Variants in WDR26 observed in about 807,000 individuals in gnomAD.
WDR26 encodes WD repeat domain 26.
A neutral mutation model predicts 84.1 loss-of-function variants in WDR26; 5 were observed. The ratio of observed to expected loss-of-function variants is 0.06; its 90% confidence interval spans 0.03 to 0.13. The LOEUF (loss-of-function observed/expected upper bound fraction) is 0.13, where lower values mean the gene tolerates loss of function less well. Among genes scored for constraint, WDR26 ranks in the 10% least tolerant of loss-of-function variants. The probability of loss-of-function intolerance (pLI) is 1.00; values close to 1 mark genes in which losing one functional copy is unlikely to be tolerated. For synonymous variants in WDR26, 415 were observed against 389.6 expected (o/e 1.07, Z -0.77); for missense variants, 642 against 974.9 (o/e 0.66, Z 4.55).
chr1:224,427,116 A>AAAAAAAAAAAAAAAAT (rs1674253027), intron 3 of WDR26, among the ~76,000 whole-genome samples: 1 of 151,234 alleles, frequency 6.6e-6, no homozygotes, highest in Non-Finnish European at 1.5e-5. Flanking sequence ...AAAAAAAAAA[A>AAAAAAAAAAAAAAAAT]AAAAAAAAAA....
intron 10 of WDR26, 38 bp downstream of exon 10, chr1:224,398,851 C>G (rs1219312796): frequency 6.2e-7 from 1 of 1,607,146 alleles, no homozygotes; most frequent in African/African-American, 1.3e-5. Context: ...GAATATAAAT[C>G]AGGTAATTGT....
Position 224,389,514 on chromosome 1 carries a change from C to G in WDR26, c.*321G>C. The G allele has an allele frequency of 2.0e-6, 1 of 510,482 alleles. No individual in the cohort carries two copies. The highest frequency in any genetic ancestry group is 3.4e-6 in the Non-Finnish European group (1 of 294,434). The allele number at this position is 510,482 out of a possible 1,614,324, so 31.6% of individuals were successfully genotyped here. A position where few individuals can be genotyped will look rare whatever the true frequency, so the allele number is the denominator to read the frequency against. ...ACAGAAGAGCAACAAGAATGGTATC[C>G]TGCCAGACAAAAGACAGGAAGGAAA... On this transcript the variant is annotated 3_prime_UTR_variant, in exon 14 of 14. Coordinates refer to ENST00000414423, the MANE Select transcript of WDR26 (RefSeq NM_001379403.1).
chr1:224,425,867 CT>C (rs563148307), intron 3 of WDR26, among the ~76,000 whole-genome samples: 23 of 149,194 alleles, frequency 1.5e-4, no homozygotes, highest in South Asian at 4.2e-4. Flanking sequence ...TGCTTTTCTT[CT>C]TTTTTTTTTG....
chr1:224,408,692 A>G (rs145603413), intron 7 of WDR26, among the ~76,000 whole-genome samples: 39 of 138,252 alleles, frequency 2.8e-4, no homozygotes, highest in African/African-American at 8.5e-4. Context: ...CTGTCTTCCT[A>G]GAATGCCACT....
intron 7 of WDR26, among the ~76,000 whole-genome samples, chr1:224,407,151 A>AATATATATATATATATATATATAT (rs1335487396): frequency 2.4e-3 from 29 of 11,848 alleles, no homozygotes; most frequent in African/African-American, 2.7e-3. Flanking sequence ...AAAAAAAAAA[A>AATATATATATATATATATATATAT]ATATATATAT....
At chr1:224,411,368 T>C in intron 7 of WDR26, 59 bp downstream of exon 7, 2 of 1,514,676 alleles carry the variant, frequency 1.3e-6, no homozygotes, top group Non-Finnish European at 1.8e-6. Context: ...ATGTAATCAA[T>C]GAATTAGATT....
intron 13 of WDR26, 123 bp downstream of exon 13, chr1:224,393,705 T>A: frequency 3.8e-6 from 3 of 784,526 alleles, no homozygotes; most frequent in Non-Finnish European, 5.7e-6. Context: ...GGGTACAATA[T>A]GTAAAAGAGA....
intron 8 of WDR26, 96 bp downstream of exon 8, chr1:224,404,334 A>C: frequency 2.1e-6 from 3 of 1,404,566 alleles, no homozygotes; most frequent in Non-Finnish European, 2.8e-6. Context: ...ATTTAGGTTG[A>C]ATGGTTATAT....
chr1:224,393,820 G>C lies in WDR26; in HGVS notation c.2260+8C>G. On this transcript the variant is annotated splice_region_variant and intron_variant, in intron 13 of 13. Transcript: ENST00000414423. ...ACAAAACATAGTAACATTATACAAA[G>C]GTATTACCTTCAATATTCTGGTGGT... 1 of 1,522,500 alleles carries C rather than the reference G, an allele frequency of 6.6e-7. No homozygotes were observed. The highest frequency in any genetic ancestry group is 9.0e-7 in the Non-Finnish European group (1 of 1,114,950). The allele number at this position is 1,522,500 out of a possible 1,614,324, so 94.3% of individuals were successfully genotyped here. A position where few individuals can be genotyped will look rare whatever the true frequency, so the allele number is the denominator to read the frequency against.
chr1:224,416,635 T>C (rs1176631473), intron 6 of WDR26, among the ~76,000 whole-genome samples: 3 of 152,356 alleles, frequency 2.0e-5, no homozygotes. Context: ...CTGATGTAGA[T>C]GTTAAAACAC....
intron 7 of WDR26, 150 bp downstream of exon 7, chr1:224,411,277 T>C: frequency 3.9e-6 from 3 of 761,582 alleles, no homozygotes; most frequent in Non-Finnish European, 5.7e-6. Flanking sequence ...ACATATATTA[T>C]CTATACAACA....
intron 8 of WDR26, among the ~76,000 whole-genome samples, chr1:224,402,362 T>C (rs183637281): frequency 6.6e-4 from 101 of 152,352 alleles, no homozygotes; most frequent in African/African-American, 2.4e-3. Context: ...AGCTAAATTC[T>C]TGGCATTTTC....
intron 8 of WDR26, among the ~76,000 whole-genome samples, chr1:224,402,713 G>T (rs1426293668): frequency 6.6e-6 from 1 of 152,136 alleles, no homozygotes; most frequent in African/African-American, 2.4e-5. Context: ...AGTTTTCATT[G>T]ATCTTCTAGG....
intron 6 of WDR26, among the ~76,000 whole-genome samples, chr1:224,417,062 TA>T (rs1437688989): frequency 6.6e-6 from 1 of 152,226 alleles, no homozygotes; most frequent in Non-Finnish European, 1.5e-5. Flanking sequence ...AAACAATTAT[TA>T]TTTTTGTACT....
chr1:224,399,087 CAAAT>C, intron 9 of WDR26, 53 bp from the exon 10 acceptor site: 1 of 1,417,524 alleles, frequency 7.1e-7, no homozygotes, highest in Non-Finnish European at 9.3e-7. Flanking sequence ...ACTCAGAAAG[CAAAT>C]AAAGAACCAA....
chr1:224,401,389 T>C (rs1455682781), intron 8 of WDR26, among the ~76,000 whole-genome samples: 1 of 152,088 alleles, frequency 6.6e-6, no homozygotes, highest in Admixed American at 6.5e-5. Flanking sequence ...AGCAAGATAA[T>C]GAAAAGCCCA....
chr1:224,395,051 T>C (rs1202478073), intron 12 of WDR26, among the ~76,000 whole-genome samples: 1 of 152,132 alleles, frequency 6.6e-6, no homozygotes, highest in African/African-American at 2.4e-5. Flanking sequence ...ACTAGCCACA[T>C]AGTATAGAGA....
chr1:224,392,134 G>C (rs1469630706), intron 13 of WDR26, among the ~76,000 whole-genome samples: 2 of 152,134 alleles, frequency 1.3e-5, no homozygotes, highest in Non-Finnish European at 2.9e-5. Flanking sequence ...GGCCGAGGCG[G>C]GTGGATCACG....
intron 13 of WDR26, among the ~76,000 whole-genome samples, chr1:224,391,382 A>C (rs1466656194): frequency 3.8e-4 from 32 of 84,434 alleles, no homozygotes; most frequent in African/African-American, 1.9e-3. Flanking sequence ...AAAAAAAAAA[A>C]ACAAAAAAAA....
Sources: allele counts gnomAD v4.1 joint callset (sites outside exome capture counted in the v4.1 genomes callset), GRCh38; gene constraint gnomAD v4.1.1; transcripts MANE v1.5; gene names NCBI Gene and HGNC (gene_info 2026-07-23, HGNC 2026-07-21).